Variants in TPGS2 observed in about 807,000 individuals in gnomAD.
The protein encoded by TPGS2 is polyglutamylase subunit 2.
In TPGS2, 26 loss-of-function variants were observed where a neutral mutation model predicts 31.1. The observed-to-expected ratio is 0.84, with a 90% CI of 0.61 to 1.16. The LOEUF (loss-of-function observed/expected upper bound fraction) is 1.16. Among genes scored for constraint, TPGS2 ranks in the 50% most tolerant of loss-of-function variants. The pLI is 0.00. For missense variants in TPGS2, 351 were observed against 363.8 expected (o/e 0.96, Z 0.29); for synonymous variants, 130 against 136.6 (o/e 0.95, Z 0.34).
intron 1 of TPGS2, 131 bp downstream of exon 1, chr18:36,828,552 A>T: frequency 1.0e-6 from 1 of 977,626 alleles, no homozygotes; most frequent in Non-Finnish European, 1.5e-6. Context: ...CCTCTGTAAC[A>T]ACGGAAGTCC....
chr18:36,826,435 TG>T (rs1186403646), intron 1 of TPGS2, among the ~76,000 whole-genome samples: 2 of 151,528 alleles, frequency 1.3e-5, no homozygotes, highest in Admixed American at 1.3e-4. Context: ...TGTGTGTGTG[TG>T]TGTGTGGATT....
chr18:36,791,623 A>G (rs1038124414), downstream of TPGS2, among the ~76,000 whole-genome samples: 8 of 152,204 alleles, frequency 5.3e-5, no homozygotes, highest in African/African-American at 1.9e-4. Context: ...CTGAATTCTC[A>G]ACTATATATT....
chr18:36,800,826 A>T (rs1013630058), intron 4 of TPGS2, among the ~76,000 whole-genome samples: 4 of 151,904 alleles, frequency 2.6e-5, no homozygotes, highest in African/African-American at 7.3e-5. Flanking sequence ...AGTAGCTGGG[A>T]CTACCGGCAT....
In TPGS2 at chr18:36,798,565, A is replaced by T; in HGVS notation, c.541T>A (p.Tyr181Asn). Residue 181 changes from tyrosine to asparagine, a missense_variant, in exon 6 of 7, where the codon TAC becomes AAC. Transcript: ENST00000334295. ...TEIWFLDRAL[Y>N]WHFLTDTFTA... ...AAGGTGTCTGTGAGAAAATGCCAGT[A>T]TAACGCTCTGTCCAGGAACCAGATC... The T allele has an allele frequency of 6.2e-7, 1 of 1,614,232 alleles. No individual in the cohort carries two copies. The highest frequency in any genetic ancestry group is 8.5e-7 in the Non-Finnish European group (1 of 1,180,042).
intron 2 of TPGS2, among the ~76,000 whole-genome samples, chr18:36,814,118 G>C (rs772660516): frequency 6.6e-6 from 1 of 152,236 alleles, no homozygotes; most frequent in Non-Finnish European, 1.5e-5. Context: ...GGGGATTGGA[G>C]GGTGTAACCA....
downstream of TPGS2, chr18:36,780,141 G>T (rs1385011093): frequency 1.6e-6 from 2 of 1,232,086 alleles, no homozygotes; most frequent in African/African-American, 3.1e-5. Flanking sequence ...ACTCTTCTCA[G>T]TGTCCTCAGA....
rs767198325 is a variant in TPGS2, at chr18:36,795,224, G to A, written c.*1581C>T. On this transcript the variant is annotated 3_prime_UTR_variant, in exon 7 of 7. Coordinates refer to ENST00000334295, the MANE Select transcript of TPGS2 (RefSeq NM_015476.4). ...CATGTTTCAGAGCAAAAGTGCATGTGGAGAATCCTGTGGACTGCTCTTAGT... is the reference window on the plus strand; with the variant it reads ...CATGTTTCAGAGCAAAAGTGCATGTAGAGAATCCTGTGGACTGCTCTTAGT... The A allele has an allele frequency of 1.0e-6, 1 of 985,318 alleles. No individual in the cohort carries two copies. The highest frequency in any genetic ancestry group is 1.2e-6 in the Non-Finnish European group (1 of 829,966). 61.0% of individuals were successfully genotyped at this position (985,318 alleles called of 1,614,324 possible). A position where few individuals can be genotyped will look rare whatever the true frequency, so the allele number is the denominator to read the frequency against.
downstream of TPGS2, among the ~76,000 whole-genome samples, chr18:36,792,971 T>C (rs2150544679): frequency 6.6e-6 from 1 of 152,362 alleles, no homozygotes; most frequent in South Asian, 2.1e-4. Context: ...TTGCTTTAGT[T>C]TCAAAACATA....
At chr18:36,788,104 T>C (rs1224789316) in intron 6 of TPGS2, among the ~76,000 whole-genome samples, 1 of 152,244 alleles carries the variant, frequency 6.6e-6, no homozygotes, top group Non-Finnish European at 1.5e-5. Flanking sequence ...ATTTGTCTTG[T>C]GCTTGAATTC....
At chr18:36,787,526 T>A (rs1284859138) in intron 6 of TPGS2, among the ~76,000 whole-genome samples, 2 of 152,200 alleles carry the variant, frequency 1.3e-5, no homozygotes, top group Non-Finnish European at 2.9e-5. Flanking sequence ...GTTTTTTAAA[T>A]CGCAATTTTC....
chr18:36,826,404 C>G (rs1490396597), intron 1 of TPGS2, among the ~76,000 whole-genome samples: 2 of 146,338 alleles, frequency 1.4e-5, no homozygotes, highest in Admixed American at 6.8e-5. Flanking sequence ...GGTGTATAGG[C>G]TGTGTGTGTG....
chr18:36,826,404 C>CTGTGTGTGTGTG (rs34742069), intron 1 of TPGS2, among the ~76,000 whole-genome samples: 10 of 146,336 alleles, frequency 6.8e-5, no homozygotes, highest in African/African-American at 2.3e-4. Context: ...GGTGTATAGG[C>CTGTGTGTGTGTG]TGTGTGTGTG....
chr18:36,799,460 C>T (rs1050630967), intron 5 of TPGS2, among the ~76,000 whole-genome samples: 6 of 152,142 alleles, frequency 3.9e-5, no homozygotes, highest in Admixed American at 3.9e-4. Flanking sequence ...TTTCCCATGG[C>T]TTGGCTTTTA....
At chr18:36,789,244 G>C (rs1338155746), downstream of TPGS2, 1 of 152,174 alleles carries the variant, frequency 6.6e-6, no homozygotes, top group Non-Finnish European at 1.5e-5. Context: ...CTTATTCTTT[G>C]TTGACTATAG....
intron 1 of TPGS2, chr18:36,823,781 T>C: frequency 1.0e-6 from 1 of 975,598 alleles, no homozygotes; most frequent in Non-Finnish European, 1.2e-6. Context: ...TTAAAGGGCT[T>C]ATGTGATTAG....
intron 6 of TPGS2, among the ~76,000 whole-genome samples, chr18:36,784,306 AAGG>A (rs2044081842): frequency 6.6e-6 from 1 of 152,222 alleles, no homozygotes; most frequent in Non-Finnish European, 1.5e-5. Flanking sequence ...ATCTGGGAAA[AAGG>A]AGAGTCATGG....
At chr18:36,782,331 C>T (rs1001648716), downstream of TPGS2, among the ~76,000 whole-genome samples, 1 of 152,166 alleles carries the variant, frequency 6.6e-6, no homozygotes, top group Non-Finnish European at 1.5e-5. Context: ...TTATTGGGCC[C>T]AGCATCTTGA....
chr18:36,828,913 G>T lies in TPGS2; in HGVS notation c.-146C>A. ...CAGTGATGATGGGGGCCCGGGGTTG[G>T]TCTGACAGCAGCAGCTCCGTGGGGC... On this transcript the variant is annotated 5_prime_UTR_variant, in exon 1 of 7. Coordinates refer to ENST00000334295, the MANE Select transcript of TPGS2 (RefSeq NM_015476.4). 9.3e-7 allele frequency: 1 copy of T among 1,074,472 alleles called. No individual in the cohort carries two copies. Among genetic ancestry groups the T allele is most frequent in the East Asian group, 2.6e-5 (1 of 38,060 alleles). The allele number at this position is 1,074,472 out of a possible 1,614,324, so 66.6% of individuals were successfully genotyped here. A position where few individuals can be genotyped will look rare whatever the true frequency, so the allele number is the denominator to read the frequency against.
chr18:36,785,127 C>T (rs1038278928), intron 6 of TPGS2, among the ~76,000 whole-genome samples: 1 of 152,094 alleles, frequency 6.6e-6, no homozygotes, highest in African/African-American at 2.4e-5. Context: ...GATGAAACCC[C>T]ATCTCTACTA....
Sources: gnomAD v4.1 joint callset for allele counts (sites outside exome capture counted in the v4.1 genomes callset) on GRCh38, gnomAD v4.1.1 for gene constraint, MANE v1.5 for transcripts, NCBI Gene and HGNC (gene_info 2026-07-23, HGNC 2026-07-21) for gene names.